The following HEPH variants were observed in gnomAD, a reference collection of about 807,000 sequenced individuals.
HEPH encodes hephaestin.
HEPH carries 69 observed loss-of-function variants against 80.8 expected under a neutral mutation model. The observed-to-expected ratio is 0.85, with a 90% CI of 0.70 to 1.04. The LOEUF is 1.04. HEPH is among the 50% of genes least tolerant of loss of function. The probability of loss-of-function intolerance (pLI) is 0.00; values close to 1 mark genes in which losing one functional copy is unlikely to be tolerated. For missense variants in HEPH, 1,115 were observed against 891.3 expected (o/e 1.25, Z -3.20); for synonymous variants, 431 against 322.8 (o/e 1.34, Z -3.60).
At chrX:66,171,260 C>T in intron 2 of HEPH, 1 of 216,963 alleles carries the variant, frequency 4.6e-6, no homozygotes, top group Middle Eastern at 5.8e-4. Flanking sequence ...CTCACAAAAA[C>T]TCTAGAAGGT....
chrX:66,178,364 T>A (rs1283217701), intron 4 of HEPH, among the ~76,000 whole-genome samples: 2 of 112,701 alleles, frequency 1.8e-5, no homozygotes, highest in East Asian at 5.5e-4. Flanking sequence ...TTTAGGTTGG[T>A]TCCAAGTCTT....
At chrX:66,252,315 G>T (rs568115550) in intron 15 of HEPH, among the ~76,000 whole-genome samples, 3 of 111,862 alleles carry the variant, frequency 2.7e-5, no homozygotes, top group Non-Finnish European at 3.8e-5. Context: ...GAGGTGCCAA[G>T]AATGCAGTTG....
In HEPH at chrX:66,192,133, G is replaced by A. The variant is rs776071825; in HGVS notation, c.1067G>A (p.Gly356Asp). 1 of 1,204,242 alleles carries A rather than the reference G, an allele frequency of 8.3e-7. No homozygotes were observed. Among genetic ancestry groups the A allele is most frequent in the Non-Finnish European group, 1.1e-6 (1 of 891,324 alleles). Residue 356 changes from glycine (G) to aspartate (D), a missense_variant, in exon 7 of 21, where the codon GGC (glycine) becomes GAC (aspartate). Gly to Asp is a moderately conservative substitution (Grantham distance 94). Transcript: ENST00000343002. Reference sequence around the variant, plus strand: ...AGCCATAATGTTCTTCCTTCAGATGGCATGCAGGCACTCTACAAGGTCAAG... The same window carrying A: ...AGCCATAATGTTCTTCCTTCAGATGACATGCAGGCACTCTACAAGGTCAAG... ...SCQVNSHFRD[G>D]MQALYKVKSC...
At chrX:66,219,318 A>G (rs775922306) in intron 15 of HEPH, among the ~76,000 whole-genome samples, 39 of 112,098 alleles carry the variant, frequency 3.5e-4, no homozygotes, top group African/African-American at 1.2e-3. Context: ...GCACGGGCAC[A>G]TGTGCCAGTT....
rs775021413 is a variant in HEPH at position 66,193,436 on chromosome X, A to T, written c.1233-66A>T. 69 of 750,694 alleles carry T rather than the reference A, an allele frequency of 9.2e-5. No homozygotes were observed. In the South Asian group the frequency reaches 1.8e-3, roughly 19 times the overall value. 61.9% of individuals were successfully genotyped at this position (750,694 alleles called of 1,213,427 possible). A position where few individuals can be genotyped will look rare whatever the true frequency, so the allele number is the denominator to read the frequency against. ...AAAGATTCATAACTTGGTGAGACTA[A>T]GGGTGAGATGGGAGTCTATTTGATA... is the stretch of plus-strand genomic sequence containing the variant. On this transcript the variant is annotated intron_variant, in intron 7 of 20. Coordinates refer to ENST00000343002, the MANE Select transcript of HEPH (RefSeq NM_001367233.3).
At chrX:66,170,865 A>G (rs946305549) in intron 2 of HEPH, 128 bp downstream of exon 2, 7 of 526,524 alleles carry the variant, frequency 1.3e-5, no homozygotes, top group Non-Finnish European at 2.2e-5. Flanking sequence ...CGAGCTGTAC[A>G]TACTCAGTGG....
Position 66,238,495 on chromosome X carries a change from T to C in HEPH, c.2564-16540T>C, listed in dbSNP as rs974758216. On this transcript the variant is annotated intron_variant, in intron 15 of 20. Transcript: ENST00000343002. ...AGGAATTCAAGGTTGCATGTAGCTATGATCATGCCACTGCACTCCAGCCTG... is the reference window on the plus strand; with the variant it reads ...AGGAATTCAAGGTTGCATGTAGCTACGATCATGCCACTGCACTCCAGCCTG... 3.6e-5 allele frequency among the ~76,000 whole-genome samples: 4 copies of C among 111,286 alleles called. No homozygotes were observed. The South Asian group carries it at 1.5e-3, about 42-fold the overall frequency.
intron 4 of HEPH, among the ~76,000 whole-genome samples, chrX:66,187,108 A>G (rs1231923004): frequency 9.2e-6 from 1 of 108,390 alleles, no homozygotes; most frequent in Non-Finnish European, 1.9e-5. Flanking sequence ...TATGCTATCT[A>G]TTTCCTTGAA....
intron 5 of HEPH, among the ~76,000 whole-genome samples, chrX:66,189,353 C>A (rs778437419): frequency 1.8e-5 from 2 of 112,489 alleles, no homozygotes; most frequent in Admixed American, 1.9e-4. Flanking sequence ...GAATAGCCTG[C>A]AAAATAACTA....
chrX:66,265,616 C>T (rs72552303), intron 20 of HEPH, among the ~76,000 whole-genome samples: 19 of 110,930 alleles, frequency 1.7e-4, no homozygotes, highest in African/African-American at 6.2e-4. Flanking sequence ...GAACAATTGT[C>T]TAATGAAATC....
chrX:66,255,162 C>A (rs908767673), intron 16 of HEPH, 21 bp downstream of exon 16: 4 of 1,093,336 alleles, frequency 3.7e-6, no homozygotes, highest in East Asian at 3.0e-5. Context: ...GATTGGCTAC[C>A]TGGAGGTGGG....
At chrX:66,246,694 T>A (rs1042673761) in intron 15 of HEPH, among the ~76,000 whole-genome samples, 1 of 111,718 alleles carries the variant, frequency 9.0e-6, no homozygotes, top group African/African-American at 3.3e-5. Flanking sequence ...ACCTTTCCCC[T>A]GTTGGAGAGG....
chrX:66,215,267 G>A (rs1319504061), intron 15 of HEPH, among the ~76,000 whole-genome samples: 1 of 110,698 alleles, frequency 9.0e-6, no homozygotes, highest in African/African-American at 3.3e-5. Flanking sequence ...CTATTCATTT[G>A]TGTAAGTTGA....
intron 15 of HEPH, among the ~76,000 whole-genome samples, chrX:66,243,021 C>T (rs370131195): frequency 9.0e-6 from 1 of 111,469 alleles, no homozygotes; most frequent in Non-Finnish European, 1.9e-5. Flanking sequence ...GGTATATAAC[C>T]AAGGAAATAC....
At chrX:66,232,258 G>T (rs1253625029) in intron 15 of HEPH, among the ~76,000 whole-genome samples, 2 of 110,797 alleles carry the variant, frequency 1.8e-5, no homozygotes, top group Non-Finnish European at 3.8e-5. Context: ...TTGTGTCTCT[G>T]CCCGGCTTTG....
intron 18 of HEPH, among the ~76,000 whole-genome samples, chrX:66,259,861 A>G (rs1475944723): frequency 1.8e-5 from 2 of 109,404 alleles, no homozygotes; most frequent in Non-Finnish European, 3.8e-5. Flanking sequence ...AGCGCCTGCT[A>G]CCATGCCCGG....
chrX:66,183,742 A>G (rs2087270699), intron 4 of HEPH, among the ~76,000 whole-genome samples: 1 of 33,219 alleles, frequency 3.0e-5, no homozygotes, highest in Non-Finnish European at 4.2e-5. Context: ...GCCTTCTGCT[A>G]GCTTTTGAAT....
chrX:66,162,706 A>G (rs1371000421), upstream of HEPH: 2 of 1,154,419 alleles, frequency 1.7e-6, no homozygotes, highest in East Asian at 6.5e-5. Context: ...GTCTGAGCAC[A>G]CTTAAGAATC....
At chrX:66,241,031 A>T (rs2090554847) in intron 15 of HEPH, among the ~76,000 whole-genome samples, 1 of 111,777 alleles carries the variant, frequency 8.9e-6, no homozygotes, top group Non-Finnish European at 1.9e-5. Flanking sequence ...ATCTCTACTA[A>T]AAATATAGAC....
Sources: allele counts gnomAD v4.1 joint callset (sites outside exome capture counted in the v4.1 genomes callset), GRCh38; gene constraint gnomAD v4.1.1; transcripts MANE v1.5; gene names NCBI Gene and HGNC (gene_info 2026-07-23, HGNC 2026-07-21).